Variants in FAM167A observed in about 807,000 individuals in gnomAD.
FAM167A encodes the protein family with sequence similarity 167 member A.
A neutral mutation model predicts 14.9 loss-of-function variants in FAM167A; 23 were observed. The ratio of observed to expected loss-of-function variants is 1.55; its 90% confidence interval spans 1.11 to 2.19. The LOEUF (loss-of-function observed/expected upper bound fraction) is 2.19, where lower values mean the gene tolerates loss of function less well. Ranked by LOEUF, FAM167A falls within the 30% of genes most tolerant of loss-of-function variation. The pLI is 0.00. For missense variants in FAM167A, 401 were observed against 281.5 expected (o/e 1.42, Z -3.04); for synonymous variants, 174 against 117.7 (o/e 1.48, Z -3.10).
intron 2 of FAM167A, among the ~76,000 whole-genome samples, chr8:11,441,973 C>A (rs1178764663): frequency 4.6e-5 from 7 of 152,214 alleles, no homozygotes; most frequent in Non-Finnish European, 1.0e-4. Flanking sequence ...ACAGGACACA[C>A]CCCTGGTGGC....
At chr8:11,434,478 T>C (rs962782255) in intron 2 of FAM167A, among the ~76,000 whole-genome samples, 2 of 151,874 alleles carry the variant, frequency 1.3e-5, no homozygotes, top group Non-Finnish European at 2.9e-5. Context: ...CTGTGCCCCC[T>C]GGGGAATGGT....
In FAM167A at chr8:11,444,470, T is replaced by G; in HGVS notation, c.-59A>C. On this transcript the variant is annotated 5_prime_UTR_variant, in exon 2 of 3. Coordinates refer to ENST00000284486, the MANE Select transcript of FAM167A (RefSeq NM_053279.3). ...GGCACGGGGGGCGCAGGGGGAGGCT[T>G]GGTGGGTGGCACAGTTGGGTCCCGC... 4 of 1,495,620 alleles carry G rather than the reference T, an allele frequency of 2.7e-6. No individual in the cohort carries two copies. Among genetic ancestry groups the G allele is most frequent in the Non-Finnish European group, 1.8e-6 (2 of 1,125,730 alleles). 92.6% of individuals were successfully genotyped at this position (1,495,620 alleles called of 1,614,324 possible).
At chr8:11,437,562 TC>T (rs1190096348) in intron 2 of FAM167A, among the ~76,000 whole-genome samples, 2 of 152,244 alleles carry the variant, frequency 1.3e-5, no homozygotes, top group Non-Finnish European at 2.9e-5. Flanking sequence ...TTATGCTTTT[TC>T]CAGTGCACTC....
At chr8:11,464,482 C>G (rs1380398147) in intron 1 of FAM167A, among the ~76,000 whole-genome samples, 1 of 152,184 alleles carries the variant, frequency 6.6e-6, no homozygotes, top group Non-Finnish European at 1.5e-5. Flanking sequence ...AGCCCATCCT[C>G]AGCCCCTCAA....
At position 11,425,405 on chromosome 8, in the gene FAM167A, C is replaced by T. The variant is rs527311252; in HGVS notation, c.382-769G>A. On this transcript the variant is annotated intron_variant, in intron 2 of 2. Coordinates refer to ENST00000284486, the MANE Select transcript of FAM167A (RefSeq NM_053279.3). The stretch of plus-strand genomic sequence containing the variant: ...AAGCCGGACAGCTGGACTCCAGAAC[C>T]AAAATGACTGACAATGAAGTTCTGC... Among the ~76,000 whole-genome samples, 4 of 152,274 alleles carry T rather than the reference C, an allele frequency of 2.6e-5. No individual in the cohort carries two copies. The East Asian group carries it at 7.7e-4, about 29-fold the overall frequency.
intron 1 of FAM167A, among the ~76,000 whole-genome samples, chr8:11,445,963 GAGAA>G (rs551436033): frequency 8.6e-4 from 124 of 144,528 alleles, no homozygotes; most frequent in Non-Finnish European, 1.4e-3. Context: ...GGTGAAAAAG[GAGAA>G]AGAAAGAGGG....
Position 11,424,509 on chromosome 8 carries a change from T to C in FAM167A, c.509A>G (p.Glu170Gly). ...GGCCAGCTCATCCCGCTCCTCCAGC[T>C]CGTAGGTGGCATCGTTGAGCATCCT... ...HRRMLNDATY[E>G]LEERDELADL... is the part of the protein sequence containing the mutation. Residue 170 changes from glutamate (E) to glycine (G), a missense_variant, in exon 3 of 3, where the codon GAG (glutamate) becomes GGG (glycine). By Grantham distance (98) the Glu-to-Gly change is moderately conservative (BLOSUM62 -2). Transcript: ENST00000284486. 1 of 1,614,100 alleles carries C rather than the reference T, an allele frequency of 6.2e-7. No individual in the cohort carries two copies. The highest frequency in any genetic ancestry group is 8.5e-7 in the Non-Finnish European group (1 of 1,179,946).
chr8:11,424,951 A>G (rs979221406), intron 2 of FAM167A, among the ~76,000 whole-genome samples: 1 of 152,186 alleles, frequency 6.6e-6, no homozygotes, highest in Non-Finnish European at 1.5e-5. Context: ...AGATGGAGTA[A>G]GAGTATAAAG....
At chr8:11,469,435 G>A (rs2117169687), upstream of FAM167A, among the ~76,000 whole-genome samples, 1 of 152,158 alleles carries the variant, frequency 6.6e-6, no homozygotes, top group East Asian at 1.9e-4. Flanking sequence ...GGATCTGGGT[G>A]GGCCAGAGAA....
chr8:11,453,838 C>T (rs112554125), intron 1 of FAM167A, among the ~76,000 whole-genome samples: 1,655 of 152,302 alleles, frequency 0.011, 32 homozygotes, highest in African/African-American at 0.038. Flanking sequence ...ATAAACACTG[C>T]AGGGAAGGCT....
chr8:11,437,954 A>G (rs896738952), intron 2 of FAM167A: 7 of 290,746 alleles, frequency 2.4e-5, no homozygotes, highest in Admixed American at 9.9e-5. Context: ...TCACCAGATC[A>G]TCTCAGAACT....
chr8:11,444,260 G>A lies in FAM167A; in HGVS notation c.152C>T (p.Ala51Val). 2 of 1,610,984 alleles carry A rather than the reference G, an allele frequency of 1.2e-6. No individual in the cohort carries two copies. The highest frequency in any genetic ancestry group is 1.7e-6 in the Non-Finnish European group (2 of 1,179,462). The change falls in exon 2 of 3, where the codon GCC becomes GTC. Residue 51 changes from alanine to valine, a missense_variant. Ala to Val is a moderately conservative substitution (Grantham distance 64). Transcript: ENST00000284486. ...TRRPSYLEWQ[A>V]RLEEHTWPFP... ...GGGCCAGGTATGCTCCTCCAGCCTG[G>A]CCTGCCATTCCAGGTAGGAGGGCCT...
At chr8:11,472,882 G>A (rs924528885) in intron 1 of FAM167A, among the ~76,000 whole-genome samples, 2 of 152,234 alleles carry the variant, frequency 1.3e-5, no homozygotes, top group Non-Finnish European at 2.9e-5. Flanking sequence ...ATCCTGCTGG[G>A]CAGAGGCAGG....
At chr8:11,438,520 T>G in intron 2 of FAM167A, 1 of 457,108 alleles carries the variant, frequency 2.2e-6, no homozygotes, top group Non-Finnish European at 4.4e-6. Context: ...GCTAGCACTT[T>G]TGCTTCTTTG....
At chr8:11,431,646 AG>A (rs1376951677) in intron 2 of FAM167A, among the ~76,000 whole-genome samples, 5 of 152,124 alleles carry the variant, frequency 3.3e-5, no homozygotes, top group Non-Finnish European at 7.4e-5. Flanking sequence ...TACTGCATCC[AG>A]GGGACCTCCT....
intron 1 of FAM167A, among the ~76,000 whole-genome samples, chr8:11,462,088 C>T (rs971845848): frequency 3.9e-5 from 6 of 152,198 alleles, no homozygotes; most frequent in African/African-American, 9.7e-5. Context: ...CCTGAGTGCC[C>T]GCAGGCAGGG....
chr8:11,431,683 G>A (rs762167778), intron 2 of FAM167A, among the ~76,000 whole-genome samples: 18 of 151,990 alleles, frequency 1.2e-4, no homozygotes, highest in African/African-American at 2.2e-4. Context: ...AGAGATGGCC[G>A]GTCAGCCTGC....
At chr8:11,464,542 A>C (rs942140224) in intron 1 of FAM167A, among the ~76,000 whole-genome samples, 1 of 152,074 alleles carries the variant, frequency 6.6e-6, no homozygotes, top group Non-Finnish European at 1.5e-5. Flanking sequence ...TGGCAATCCA[A>C]GTCTCGGGGT....
At chr8:11,427,920 G>C (rs1025659769) in intron 2 of FAM167A, among the ~76,000 whole-genome samples, 4 of 152,190 alleles carry the variant, frequency 2.6e-5, no homozygotes, top group Non-Finnish European at 5.9e-5. Context: ...CTGGTCATTT[G>C]TTTTGTAATG....
Sources: allele counts gnomAD v4.1 joint callset (sites outside exome capture counted in the v4.1 genomes callset), GRCh38; gene constraint gnomAD v4.1.1; transcripts MANE v1.5; gene names NCBI Gene and HGNC (gene_info 2026-07-23, HGNC 2026-07-21).